GPR143: variants seen among roughly 807,000 people sequenced by gnomAD.
GPR143 encodes the protein G protein-coupled receptor 143.
GPR143 carries 8 observed loss-of-function variants against 27.6 expected under a neutral mutation model. That is an observed-to-expected ratio of 0.29 (90% confidence interval 0.17 to 0.52). GPR143 has a LOEUF of 0.52. Among genes scored for constraint, GPR143 ranks in the 20% least tolerant of loss-of-function variants. GPR143 has a pLI of 0.96. For synonymous variants in GPR143, 156 were observed against 153.2 expected (o/e 1.02, Z -0.13); for missense variants, 303 against 343.1 (o/e 0.88, Z 0.92).
At position 9,739,469 on chromosome X, in the gene GPR143, G is replaced by A. The variant is rs190174009; in HGVS notation, c.1120+16C>T. On this transcript the variant is annotated intron_variant, in intron 8 of 8. Coordinates refer to ENST00000467482, the MANE Select transcript of GPR143 (RefSeq NM_000273.3). Reference sequence around the variant, plus strand: ...GGGACCCCGAAGTCTACCTGCTGTGGCAGACAGGGCATTACCTTCAGACAG... The same window carrying A: ...GGGACCCCGAAGTCTACCTGCTGTGACAGACAGGGCATTACCTTCAGACAG... 274 of 1,125,567 alleles carry A rather than the reference G, an allele frequency of 2.4e-4. No homozygotes were observed. The African/African-American group carries it at 4.6e-3, about 19-fold the overall frequency. 92.8% of individuals were successfully genotyped at this position (1,125,567 alleles called of 1,213,427 possible). A position where few individuals can be genotyped will look rare whatever the true frequency, so the allele number is the denominator to read the frequency against.
rs764392673 is a variant in GPR143 at position 9,741,497 on chromosome X, T to C, written c.768-42A>G. On this transcript the variant is annotated intron_variant, in intron 6 of 8. Coordinates refer to ENST00000467482, the MANE Select transcript of GPR143 (RefSeq NM_000273.3). ...GGCAGCAGGTAAAGAGAACATGCAA[T>C]GAAACTCGTTTTTAAATGCTGGAGA... 3.7e-5 allele frequency: 24 copies of C among 651,839 alleles called. No homozygotes were observed. The Admixed American group carries it at 4.5e-4, about 12-fold the overall frequency. 53.7% of individuals were successfully genotyped at this position (651,839 alleles called of 1,213,427 possible). A position where few individuals can be genotyped will look rare whatever the true frequency, so the allele number is the denominator to read the frequency against.
chrX:9,751,896 C>T (rs934424178), intron 3 of GPR143, among the ~76,000 whole-genome samples: 2 of 112,764 alleles, frequency 1.8e-5, no homozygotes, highest in African/African-American at 6.4e-5. Flanking sequence ...AAAACAGAAT[C>T]CCTGCCTGCA....
At chrX:9,726,543 G>T (rs2083328603) in intron 8 of GPR143, among the ~76,000 whole-genome samples, 1 of 111,972 alleles carries the variant, frequency 8.9e-6, no homozygotes, top group East Asian at 2.8e-4. Context: ...AGTGATGAAT[G>T]ATATTTTTGT....
chrX:9,733,074 G>A (rs1000449304), intron 8 of GPR143, among the ~76,000 whole-genome samples: 10 of 110,510 alleles, frequency 9.0e-5, no homozygotes, highest in Middle Eastern at 4.7e-3. Flanking sequence ...AAGCTTTATC[G>A]TGGGAGAAAA....
intron 3 of GPR143, among the ~76,000 whole-genome samples, chrX:9,753,203 C>T (rs1039433766): frequency 2.7e-5 from 3 of 109,481 alleles, no homozygotes; most frequent in Non-Finnish European, 5.7e-5. Flanking sequence ...ACTAAAAATA[C>T]AAAAATTAGC....
In GPR143 at chrX:9,755,858, A is replaced by G. The variant is rs371112770; in HGVS notation, c.455+3474T>C. Among the ~76,000 whole-genome samples, 6 of 112,169 alleles carry G rather than the reference A, an allele frequency of 5.3e-5. No individual in the cohort carries two copies. The East Asian group carries it at 1.1e-3, about 21-fold the overall frequency. ...TTATTATATATATTTTATGTAGCCA[A>G]AATGAATCTTCACTGATACACCTAA... On this transcript the variant is annotated intron_variant, in intron 3 of 8. Transcript: ENST00000467482.
chrX:9,772,772 T>A (rs1388231161), intron 1 of GPR143, among the ~76,000 whole-genome samples: 1 of 95,323 alleles, frequency 1.0e-5, no homozygotes, highest in African/African-American at 4.1e-5. Context: ...CGTGATAGTG[T>A]CACTGCACTC....
At chrX:9,765,909 C>T (rs3810741), upstream of GPR143, 106 of 878,720 alleles carry the variant, frequency 1.2e-4, no homozygotes, top group East Asian at 3.6e-3. Flanking sequence ...GCATCATGTG[C>T]CCTGGGCCTC....
chrX:9,770,512 C>T (rs138386403), upstream of GPR143, among the ~76,000 whole-genome samples: 253 of 110,448 alleles, frequency 2.3e-3, 1 homozygote, highest in African/African-American at 8.0e-3. Context: ...GGGCAACAAC[C>T]GAGAAATGGA....
At chrX:9,777,862 G>A (rs776987864) in intron 1 of GPR143, among the ~76,000 whole-genome samples, 63 of 109,125 alleles carry the variant, frequency 5.8e-4, no homozygotes, top group African/African-American at 1.2e-3. Context: ...AGGCCGAGGC[G>A]GGAGGATCAT....
chrX:9,757,982 C>T (rs2083480196), intron 3 of GPR143, among the ~76,000 whole-genome samples: 1 of 110,369 alleles, frequency 9.1e-6, no homozygotes, highest in South Asian at 3.9e-4. Flanking sequence ...AGGCTGGTCT[C>T]AAAACTCCTG....
chrX:9,765,925 C>G (rs770000435), upstream of GPR143: 80 of 798,663 alleles, frequency 1.0e-4, no homozygotes, highest in South Asian at 2.5e-4. Context: ...GCCTCTCCCC[C>G]ACCCCAACCC....
upstream of GPR143, among the ~76,000 whole-genome samples, chrX:9,770,463 C>T (rs1350045879): frequency 9.1e-6 from 1 of 110,484 alleles, no homozygotes; most frequent in Non-Finnish European, 1.9e-5. Flanking sequence ...AAGTCTACCA[C>T]CTGAGGCTCT....
intron 7 of GPR143, 143 bp from the exon 8 acceptor site, chrX:9,739,862 C>T (rs938800297): frequency 2.0e-6 from 1 of 509,133 alleles, no homozygotes. Flanking sequence ...TGGCTGGTGG[C>T]TGGTTGACTG....
At chrX:9,729,102 A>G (rs917912836) in intron 8 of GPR143, among the ~76,000 whole-genome samples, 2 of 110,698 alleles carry the variant, frequency 1.8e-5, no homozygotes, top group Non-Finnish European at 3.8e-5. Flanking sequence ...AGGATGGTGG[A>G]GAGGGTGGTT....
intron 3 of GPR143, among the ~76,000 whole-genome samples, chrX:9,748,999 C>T (rs963939369): frequency 1.8e-5 from 2 of 112,408 alleles, no homozygotes; most frequent in African/African-American, 6.5e-5. Context: ...TATGGTTAGG[C>T]TTTGTGTCTC....
At chrX:9,749,051 G>A (rs1037549049) in intron 3 of GPR143, among the ~76,000 whole-genome samples, 9 of 112,083 alleles carry the variant, frequency 8.0e-5, no homozygotes, top group African/African-American at 2.9e-4. Context: ...AAAATCCCAA[G>A]GGATAGAACA....
intron 1 of GPR143, among the ~76,000 whole-genome samples, chrX:9,761,946 A>AC (rs2083503549): frequency 1.8e-5 from 2 of 111,935 alleles, no homozygotes; most frequent in Non-Finnish European, 3.8e-5. Context: ...AATTAGCTGG[A>AC]GGTGGTGGCA....
At chrX:9,752,887 T>C (rs1194862316) in intron 3 of GPR143, among the ~76,000 whole-genome samples, 1 of 109,910 alleles carries the variant, frequency 9.1e-6, no homozygotes, top group Non-Finnish European at 1.9e-5. Context: ...TACAGGCGCC[T>C]TCTAGAAGCT....
Sources: gnomAD v4.1 joint callset for allele counts (sites outside exome capture counted in the v4.1 genomes callset) on GRCh38, gnomAD v4.1.1 for gene constraint, MANE v1.5 for transcripts, NCBI Gene and HGNC (gene_info 2026-07-23, HGNC 2026-07-21) for gene names.